NAALADL2: variants seen among roughly 807,000 people sequenced by gnomAD.
NAALADL2 encodes N-acetylated alpha-linked acidic dipeptidase like 2.
NAALADL2 carries 76 observed loss-of-function variants against 87.2 expected under a neutral mutation model. The observed-to-expected ratio is 0.87, with a 90% CI of 0.72 to 1.05. NAALADL2 has a LOEUF of 1.05. Among genes scored for constraint, NAALADL2 ranks in the 50% least tolerant of loss-of-function variants. The pLI is 0.00. For synonymous variants in NAALADL2, 354 were observed against 331.0 expected, an observed-to-expected ratio of 1.07 and a Z score of -0.75; for missense variants, 1,089 against 945.8, an observed-to-expected ratio of 1.15 and a Z score of -1.99.
intron 2 of NAALADL2, among the ~76,000 whole-genome samples, chr3:174,724,659 A>G (rs1732020481): frequency 2.0e-5 from 3 of 152,060 alleles, no homozygotes; most frequent in Admixed American, 2.0e-4. Flanking sequence ...CATATAGTAA[A>G]CATTCAACAT....
chr3:175,376,804 C>T (rs1394475913), intron 5 of NAALADL2, among the ~76,000 whole-genome samples: 1 of 152,028 alleles, frequency 6.6e-6, no homozygotes, highest in Non-Finnish European at 1.5e-5. Flanking sequence ...TTATATCAGC[C>T]TTTCTTTTTA....
intron 1 of NAALADL2, among the ~76,000 whole-genome samples, chr3:174,900,782 G>A (rs755636682): frequency 1.3e-5 from 2 of 151,928 alleles, no homozygotes. Context: ...TTGTATGCAT[G>A]TATTTTTTTA....
rs76593702 is a variant in NAALADL2, at chr3:174,708,405, C to G, written c.-114-29236C>G. Among the ~76,000 whole-genome samples the G allele has an allele frequency of 1.6e-4, 24 of 152,262 alleles. No individual in the cohort carries two copies. In the East Asian group the frequency reaches 3.9e-3, roughly 24 times the overall value. ...TTTGCATGCTTGATCCATTTGAGAA[C>G]TAAGGAATTAATGAGTGATATATCA... On this transcript the variant is annotated intron_variant, in intron 2 of 3. Coordinates refer to the NAALADL2 transcript ENST00000434257.
chr3:175,787,242 A>C (rs1006877729), intron 13 of NAALADL2, among the ~76,000 whole-genome samples: 1 of 152,096 alleles, frequency 6.6e-6, no homozygotes, highest in Admixed American at 6.6e-5. Context: ...GGCTCCACCC[A>C]GTTCGAGCTT....
intron 1 of NAALADL2, among the ~76,000 whole-genome samples, chr3:174,987,824 A>ATT (rs1746171231): frequency 1.4e-5 from 2 of 141,686 alleles, no homozygotes; most frequent in African/African-American, 5.6e-5. Flanking sequence ...ATATATATAT[A>ATT]TATAATGAGA....
At chr3:175,100,449 C>T (rs919842425) in intron 2 of NAALADL2, among the ~76,000 whole-genome samples, 1 of 152,148 alleles carries the variant, frequency 6.6e-6, no homozygotes, top group African/African-American at 2.4e-5. Context: ...GGCAAAACTA[C>T]TTGGAATAAC....
Position 174,559,250 on chromosome 3 carries a change from C to A in NAALADL2, c.-115+8613C>A, listed in dbSNP as rs570348122. The stretch of plus-strand genomic sequence containing the variant: ...TTCTCAAACAATTAATAGGGACTTA[C>A]AAACAGAAGCCATACCTTGGTGTTG... On this transcript the variant is annotated intron_variant, in intron 2 of 3. Transcript: ENST00000434257. Among the ~76,000 whole-genome samples the A allele has an allele frequency of 8.5e-5, 13 of 152,222 alleles. No individual in the cohort carries two copies. In the South Asian group the frequency reaches 2.5e-3, roughly 29 times the overall value.
chr3:174,794,986 T>C (rs1717913912), intron 3 of NAALADL2, among the ~76,000 whole-genome samples: 1 of 127,620 alleles, frequency 7.8e-6, no homozygotes, highest in Non-Finnish European at 1.6e-5. Flanking sequence ...TCCAGCTTTT[T>C]TTTTTTTTTT....
At chr3:174,916,672 C>A (rs1033426071) in intron 1 of NAALADL2, among the ~76,000 whole-genome samples, 5 of 151,974 alleles carry the variant, frequency 3.3e-5, no homozygotes, top group Admixed American at 3.3e-4. Flanking sequence ...TATGAGGACA[C>A]AGAGGCATAA....
intron 1 of NAALADL2, among the ~76,000 whole-genome samples, chr3:175,002,280 A>G (rs996826155): frequency 6.6e-6 from 1 of 152,206 alleles, no homozygotes; most frequent in African/African-American, 2.4e-5. Context: ...TATAGCGCAG[A>G]AAGTCAGAAA....
intron 9 of NAALADL2, among the ~76,000 whole-genome samples, chr3:175,473,489 G>A (rs2149298778): frequency 6.6e-6 from 1 of 151,606 alleles, no homozygotes; most frequent in South Asian, 2.1e-4. Flanking sequence ...TTCAAGCAAA[G>A]GATAGCATTA....
At chr3:175,392,965 G>C (rs1769255631) in intron 5 of NAALADL2, among the ~76,000 whole-genome samples, 1 of 152,078 alleles carries the variant, frequency 6.6e-6, no homozygotes, top group South Asian at 2.1e-4. Context: ...GAATAGTTCT[G>C]TTTCCAAGTT....
intron 1 of NAALADL2, among the ~76,000 whole-genome samples, chr3:174,959,926 T>C: frequency 6.6e-6 from 1 of 152,068 alleles, no homozygotes; most frequent in East Asian, 1.9e-4. Flanking sequence ...TATATGAAAG[T>C]ATCGAATTCT....
intron 4 of NAALADL2, among the ~76,000 whole-genome samples, chr3:175,317,772 G>T (rs1258312946): frequency 1.3e-5 from 2 of 152,094 alleles, no homozygotes; most frequent in Non-Finnish European, 2.9e-5. Flanking sequence ...AATTATTTTT[G>T]GGTACATTGG....
chr3:175,268,156 C>G (rs1752255601), intron 4 of NAALADL2, among the ~76,000 whole-genome samples: 2 of 152,094 alleles, frequency 1.3e-5, no homozygotes, highest in African/African-American at 4.8e-5. Flanking sequence ...ATGGAGTGTA[C>G]TTAGACAAAC....
At chr3:175,732,565 C>A (rs1416377426) in intron 11 of NAALADL2, among the ~76,000 whole-genome samples, 1 of 152,056 alleles carries the variant, frequency 6.6e-6, no homozygotes, top group Non-Finnish European at 1.5e-5. Flanking sequence ...TAATTATGTT[C>A]CTCTTTGGAG....
chr3:175,585,778 C>A (rs1720460879), intron 10 of NAALADL2, among the ~76,000 whole-genome samples: 1 of 151,752 alleles, frequency 6.6e-6, no homozygotes, highest in Non-Finnish European at 1.5e-5. Context: ...TCTCTTCATT[C>A]CTTGGTAATT....
chr3:174,456,155 G>A (rs1282576871), intron 1 of NAALADL2, among the ~76,000 whole-genome samples: 1 of 152,054 alleles, frequency 6.6e-6, no homozygotes, highest in East Asian at 1.9e-4. Flanking sequence ...GCTAACCAGG[G>A]AGGTGAAAGA....
intron 2 of NAALADL2, among the ~76,000 whole-genome samples, chr3:175,152,830 C>A (rs1731738143): frequency 6.6e-6 from 1 of 151,918 alleles, no homozygotes; most frequent in African/African-American, 2.4e-5. Context: ...TTGCTTGAAC[C>A]CAGGAGGCAG....
Sources: allele counts gnomAD v4.1 joint callset (sites outside exome capture counted in the v4.1 genomes callset), GRCh38; gene constraint gnomAD v4.1.1; transcripts MANE v1.5; gene names NCBI Gene and HGNC (gene_info 2026-07-23, HGNC 2026-07-21).